The following HSCB variants were observed in gnomAD, a reference collection of about 807,000 sequenced individuals.
The protein encoded by HSCB is iron-sulfur cluster co-chaperone protein HscB.
Under a neutral mutation model 31.3 loss-of-function variants are expected in HSCB, and 23 were observed. The ratio of observed to expected loss-of-function variants is 0.74; its 90% CI spans 0.53 to 1.04. HSCB has a LOEUF of 1.04. HSCB is among the 50% of genes least tolerant of loss of function. The pLI, the probability that HSCB is intolerant of heterozygous loss-of-function variation, is 0.00. For missense variants in HSCB, 297 were observed against 288.1 expected, an observed-to-expected ratio of 1.03 and a Z score of -0.22; for synonymous variants, 110 against 104.5, an observed-to-expected ratio of 1.05 and a Z score of -0.32.
At chr22:28,748,855 A>T (rs943955792) in intron 4 of HSCB, among the ~76,000 whole-genome samples, 1 of 151,914 alleles carries the variant, frequency 6.6e-6, no homozygotes, top group Non-Finnish European at 1.5e-5. Context: ...CCTTATTTCA[A>T]TTGACCAGGT....
At chr22:28,755,235 C>T (rs1040349637) in intron 5 of HSCB, among the ~76,000 whole-genome samples, 22 of 151,160 alleles carry the variant, frequency 1.5e-4, no homozygotes, top group Non-Finnish European at 4.4e-5. Flanking sequence ...ACGGTGAAAC[C>T]CCGTCTCTAC....
chr22:28,743,809 C>G (rs1237615131), intron 1 of HSCB, 73 bp from the exon 2 acceptor site: 2 of 1,308,470 alleles, frequency 1.5e-6, no homozygotes, highest in Non-Finnish European at 2.2e-6. Flanking sequence ...CCCATAAGAG[C>G]AAGAACCAGG....
At chr22:28,754,463 A>C (rs2030467353) in intron 5 of HSCB, among the ~76,000 whole-genome samples, 1 of 152,076 alleles carries the variant, frequency 6.6e-6, no homozygotes. Flanking sequence ...TCAGGGCAGG[A>C]ATTTGAGACC....
chr22:28,742,245 C>G lies in HSCB; in HGVS notation c.150C>G (p.Pro50=). The G allele has an allele frequency of 6.2e-7, 1 of 1,614,050 alleles. No homozygotes were observed. Among genetic ancestry groups the G allele is most frequent in the Non-Finnish European group, 8.5e-7 (1 of 1,180,022 alleles). Residue 50 remains proline (P), a synonymous_variant, in exon 1 of 6, where the codon CCC becomes CCG. Coordinates refer to ENST00000216027, the MANE Select transcript of HSCB (RefSeq NM_172002.5). ...RCWNCGGPWG[P]GREDRFFCPQ... is the part of the protein sequence containing the mutation. ...GGAACTGCGGCGGCCCATGGGGCCC[C>G]GGGCGGGAGGACAGGTTCTTCTGCC...
Position 28,742,111 on chromosome 22 carries a change from G to A in HSCB, c.16G>A (p.Ala6Thr). Residue 6 changes from alanine (A) to threonine (T), a missense_variant, in exon 1 of 6, where the codon GCC (alanine) becomes ACC (threonine). Ala to Thr is a moderately conservative substitution (Grantham distance 58). Coordinates refer to ENST00000216027, the MANE Select transcript of HSCB (RefSeq NM_172002.5). ...CGCCGGCCAGATGTGGCGGGGGAGAGCCGGGGCTTTGCTCCGGGTGTGGGG... is the reference window on the plus strand; with the variant it reads ...CGCCGGCCAGATGTGGCGGGGGAGAACCGGGGCTTTGCTCCGGGTGTGGGG... Reference protein sequence around the residue: MWRGRAGALLRVWGFW... With the variant: MWRGRTGALLRVWGFW... 2 of 1,596,078 alleles carry A rather than the reference G, an allele frequency of 1.3e-6. No homozygotes were observed. The highest frequency in any genetic ancestry group is 1.3e-5 in the African/African-American group (1 of 74,760).
In HSCB at chr22:28,757,060, T is replaced by C. The variant is rs1468721682; in HGVS notation, c.617-18T>C. The C allele has an allele frequency of 3.6e-6, 5 of 1,381,684 alleles. No individual in the cohort carries two copies. In the Admixed American group the frequency reaches 8.4e-5, roughly 23 times the overall value. 85.6% of individuals were successfully genotyped at this position (1,381,684 alleles called of 1,614,324 possible). ...TGCTTGAAATGAAGCCTGACTTCAG[T>C]GTCTCTGTCTATTTCAGATGACTTT... On this transcript the variant is annotated intron_variant, in intron 5 of 5. Coordinates refer to ENST00000216027, the MANE Select transcript of HSCB (RefSeq NM_172002.5).
At position 28,744,668 on chromosome 22, in the gene HSCB, G is replaced by C; in HGVS notation, c.387G>C (p.Lys129Asn). ...CGACCCTGGTGAATGATGCCTATAA[G>C]ACCCTCCTGGCCCCCCTGAGCAGAG... ...KHSTLVNDAY[K>N]TLLAPLSRGL... The change falls in exon 3 of 6, where the codon AAG becomes AAC. Residue 129 changes from lysine to asparagine, a missense_variant. Transcript: ENST00000216027. 1.9e-6 allele frequency: 3 copies of C among 1,614,082 alleles called. No individual in the cohort carries two copies. The highest frequency in any genetic ancestry group is 2.5e-6 in the Non-Finnish European group (3 of 1,179,914).
At chr22:28,743,476 G>A (rs1033424278) in intron 1 of HSCB, among the ~76,000 whole-genome samples, 2 of 152,206 alleles carry the variant, frequency 1.3e-5, no homozygotes, top group African/African-American at 4.8e-5. Flanking sequence ...AAGAATCTTT[G>A]TCTGTGTAAT....
At position 28,745,731 on chromosome 22, in the gene HSCB, C is replaced by T. The variant is rs139121595; in HGVS notation, c.424-133C>T. The T allele has an allele frequency of 2.2e-3, 1,537 of 697,056 alleles. 2 individuals are homozygous for T. Among genetic ancestry groups the T allele is most frequent in the Middle Eastern group, 5.6e-3 (15 of 2,682 alleles). The allele number at this position is 697,056 out of a possible 1,614,324, so 43.2% of individuals were successfully genotyped here. A position where few individuals can be genotyped will look rare whatever the true frequency, so the allele number is the denominator to read the frequency against. On this transcript the variant is annotated intron_variant, in intron 3 of 5. Coordinates refer to ENST00000216027, the MANE Select transcript of HSCB (RefSeq NM_172002.5). Reference sequence around the variant, plus strand: ...CTGTTTCAGTCCAAGCTTTTGATACCCCTTAGTCTTTCATTATCGGGACAG... The same window carrying T: ...CTGTTTCAGTCCAAGCTTTTGATACTCCTTAGTCTTTCATTATCGGGACAG...
chr22:28,750,603 C>T (rs896792857), intron 4 of HSCB, among the ~76,000 whole-genome samples: 1 of 152,080 alleles, frequency 6.6e-6, no homozygotes, highest in Non-Finnish European at 1.5e-5. Flanking sequence ...TCCTGCCTTA[C>T]GGATATAATG....
chr22:28,754,434 C>T (rs2030465250), intron 5 of HSCB, among the ~76,000 whole-genome samples: 1 of 152,032 alleles, frequency 6.6e-6, no homozygotes, highest in South Asian at 2.1e-4. Flanking sequence ...CTTTGAGAGA[C>T]TGAGGCAGAC....
chr22:28,750,247 CAAAAAAAAA>C (rs563701958), intron 4 of HSCB, among the ~76,000 whole-genome samples: 30,034 of 63,420 alleles, frequency 0.47, 3,540 homozygotes, highest in East Asian at 0.59. Flanking sequence ...GAAACTGTCT[CAAAAAAAAA>C]AAAAAAAAAA....
Position 28,751,243 on chromosome 22 carries a change from A to G in HSCB, c.571A>G (p.Lys191Glu). ...AACAGAATGGTTTTCTTTTTCAGCT[A>G]AACAGAAAGAATTTACTGACAATGT... is the stretch of plus-strand genomic sequence containing the variant. ...MKEIESIVKA[K>E]QKEFTDNVSS... The change falls in exon 5 of 6, where the codon AAA becomes GAA. Residue 191 changes from lysine (K) to glutamate (E), a missense_variant and splice_region_variant. Coordinates refer to ENST00000216027, the MANE Select transcript of HSCB (RefSeq NM_172002.5). 6.3e-7 allele frequency: 1 copy of G among 1,591,846 alleles called. No homozygotes were observed. Among genetic ancestry groups the G allele is most frequent in the Non-Finnish European group, 8.6e-7 (1 of 1,163,796 alleles).
At chr22:28,746,089 G>A (rs1233358198) in intron 4 of HSCB, 81 bp downstream of exon 4, 6 of 1,397,658 alleles carry the variant, frequency 4.3e-6, no homozygotes, top group South Asian at 1.4e-5. Flanking sequence ...TGAACGTAGA[G>A]TATATAATGG....
chr22:28,743,844 A>AT, intron 1 of HSCB, 38 bp from the exon 2 acceptor site: 2 of 1,525,260 alleles, frequency 1.3e-6, no homozygotes. Context: ...ACCTTTAAAT[A>AT]TTTGTTGTAT....
At chr22:28,743,481 T>A (rs1301419744) in intron 1 of HSCB, among the ~76,000 whole-genome samples, 1 of 152,232 alleles carries the variant, frequency 6.6e-6, no homozygotes, top group South Asian at 2.1e-4. Flanking sequence ...TCTTTGTCTG[T>A]GTAATTTAGG....
At chr22:28,746,221 A>AAATAC (rs1303539561) in intron 4 of HSCB, among the ~76,000 whole-genome samples, 1 of 151,848 alleles carries the variant, frequency 6.6e-6, no homozygotes, top group Non-Finnish European at 1.5e-5. Flanking sequence ...TCTCTACTGA[A>AAATAC]AATACAAAAA....
chr22:28,742,562 A>T, intron 1 of HSCB: 5 of 464,552 alleles, frequency 1.1e-5, no homozygotes, highest in Non-Finnish European at 1.0e-5. Context: ...ACGGGACTGG[A>T]GGGGCGGGCG....
chr22:28,745,834 A>C, intron 3 of HSCB, 30 bp from the exon 4 acceptor site: 5 of 1,579,576 alleles, frequency 3.2e-6, no homozygotes, highest in Non-Finnish European at 4.3e-6. Context: ...AGCTTCTTCA[A>C]CTTATTTTTC....
Sources: allele counts gnomAD v4.1 joint callset (sites outside exome capture counted in the v4.1 genomes callset), GRCh38; gene constraint gnomAD v4.1.1; transcripts MANE v1.5; gene names NCBI Gene and HGNC (gene_info 2026-07-23, HGNC 2026-07-21).